Variants in HPSE2 observed in about 807,000 individuals in gnomAD.
The protein encoded by HPSE2 is heparanase 2 (inactive), also known as inactive heparanase-2.
In HPSE2, 38 loss-of-function variants were observed where a neutral mutation model predicts 60.5. The observed-to-expected ratio is 0.63, with a 90% CI of 0.48 to 0.82. HPSE2 has a LOEUF of 0.82. HPSE2 is among the 40% of genes least tolerant of loss of function. The pLI is 0.00. For missense variants in HPSE2, 713 were observed against 740.4 expected (o/e 0.96, Z 0.43); for synonymous variants, 295 against 293.2 (o/e 1.01, Z -0.06).
chr10:99,276,177 A>G, the HPSE2 span, among the ~76,000 whole-genome samples: 1 of 152,226 alleles, frequency 6.6e-6, no homozygotes, highest in African/African-American at 2.4e-5. Context: ...ATATAAATAC[A>G]ATATTCGTTG....
At chr10:99,189,982 AGGTGGATACCTCTGTT>A (rs1848163760) in intron 2 of HPSE2, among the ~76,000 whole-genome samples, 2 of 152,194 alleles carry the variant, frequency 1.3e-5, no homozygotes, top group Non-Finnish European at 2.9e-5. Context: ...GAACTAGCCT[AGGTGGATACCTCTGTT>A]AATGAATCTC....
chr10:98,838,630 C>G (rs1589920495), intron 3 of HPSE2, among the ~76,000 whole-genome samples: 1 of 151,576 alleles, frequency 6.6e-6, no homozygotes, highest in East Asian at 1.9e-4. Flanking sequence ...TGGGGTCTCA[C>G]TATGCTGCCC....
At chr10:98,969,922 G>C (rs922706353) in intron 3 of HPSE2, among the ~76,000 whole-genome samples, 1 of 151,916 alleles carries the variant, frequency 6.6e-6, no homozygotes, top group Non-Finnish European at 1.5e-5. Flanking sequence ...GGTGTTTCAC[G>C]TGGCAAAAGC....
the HPSE2 span, among the ~76,000 whole-genome samples, chr10:99,286,828 T>C: frequency 1.3e-5 from 2 of 152,202 alleles, no homozygotes; most frequent in African/African-American, 2.4e-5. Context: ...TGCTTGGAAC[T>C]GTGCAAACTG....
chr10:98,611,931 C>T (rs1463549093), intron 9 of HPSE2, among the ~76,000 whole-genome samples: 1 of 152,210 alleles, frequency 6.6e-6, no homozygotes, highest in Non-Finnish European at 1.5e-5. Context: ...ATGAGCTCTG[C>T]TCCACCATGT....
At chr10:98,887,008 T>C (rs1953184300) in intron 3 of HPSE2, among the ~76,000 whole-genome samples, 1 of 152,148 alleles carries the variant, frequency 6.6e-6, no homozygotes, top group African/African-American at 2.4e-5. Context: ...TTTTGGATCC[T>C]CTGTAAATTT....
chr10:98,669,826 C>T (rs192893497), intron 6 of HPSE2, among the ~76,000 whole-genome samples: 5 of 152,212 alleles, frequency 3.3e-5, no homozygotes. Context: ...CCAAACTTCA[C>T]CATCACATAA....
chr10:99,200,199 A>C (rs1050979333), intron 2 of HPSE2, among the ~76,000 whole-genome samples: 1 of 152,058 alleles, frequency 6.6e-6, no homozygotes, highest in Non-Finnish European at 1.5e-5. Flanking sequence ...TTTTACCACA[A>C]TTAAAAAAAT....
intron 3 of HPSE2, among the ~76,000 whole-genome samples, chr10:99,131,578 T>G (rs942270318): frequency 6.6e-5 from 10 of 151,806 alleles, no homozygotes; most frequent in African/African-American, 2.4e-4. Flanking sequence ...AGGAAAGAAA[T>G]AAGACCATTT....
chr10:98,615,047 A>G, intron 8 of HPSE2, 29 bp from the exon 9 acceptor site: 1 of 1,507,018 alleles, frequency 6.6e-7, no homozygotes, highest in Non-Finnish European at 9.2e-7. Context: ...GAGCTACATC[A>G]ATATATTTTT....
At chr10:99,011,754 CAAAAA>C (rs5787319) in intron 3 of HPSE2, among the ~76,000 whole-genome samples, 2 of 93,108 alleles carry the variant, frequency 2.1e-5, no homozygotes, top group African/African-American at 9.0e-5. Context: ...GACTCCATCT[CAAAAA>C]AAAAAAAAAA....
chr10:98,987,775 T>G (rs1956405506), intron 3 of HPSE2, among the ~76,000 whole-genome samples: 1 of 152,190 alleles, frequency 6.6e-6, no homozygotes, highest in Admixed American at 6.5e-5. Context: ...CTCCTTAAGC[T>G]GATAAGCCAC....
the HPSE2 span, among the ~76,000 whole-genome samples, chr10:99,289,806 A>T: frequency 6.6e-6 from 1 of 152,198 alleles, no homozygotes; most frequent in Admixed American, 6.5e-5. Context: ...AAATTAAATT[A>T]TGGTTTCAGT....
At chr10:98,836,181 A>T (rs1181965006) in intron 3 of HPSE2, among the ~76,000 whole-genome samples, 1 of 152,242 alleles carries the variant, frequency 6.6e-6, no homozygotes, top group African/African-American at 2.4e-5. Context: ...AGCTCTGCAG[A>T]ACATCTTTCT....
chr10:98,863,704 A>G (rs1952516324), intron 3 of HPSE2, among the ~76,000 whole-genome samples: 1 of 152,154 alleles, frequency 6.6e-6, no homozygotes. Flanking sequence ...TAAAACCCCT[A>G]ACTGTCATTT....
At chr10:98,727,742 A>T (rs1414517340) in intron 4 of HPSE2, among the ~76,000 whole-genome samples, 1 of 151,894 alleles carries the variant, frequency 6.6e-6, no homozygotes, top group Non-Finnish European at 1.5e-5. Flanking sequence ...TGATTCATCA[A>T]ATAGAAATAT....
chr10:98,600,832 A>T (rs1054417443), intron 9 of HPSE2, among the ~76,000 whole-genome samples: 3 of 147,182 alleles, frequency 2.0e-5, no homozygotes, highest in African/African-American at 7.4e-5. Context: ...AGATATACAC[A>T]AAGATATATA....
Position 99,010,132 on chromosome 10 carries a change from T to C in HPSE2, c.610+134106A>G, listed in dbSNP as rs539269725. Among the ~76,000 whole-genome samples, 14 of 152,330 alleles carry C rather than the reference T, an allele frequency of 9.2e-5. 1 individual carries two copies. In the South Asian group the frequency reaches 1.0e-3, roughly 11 times the overall value. ...AAACTCAGTGAGATTCTTTAAGGAA[T>C]GAGATGATTTACTGTGCTTAAAGAG... On this transcript the variant is annotated intron_variant, in intron 3 of 11. Transcript: ENST00000370552.
At chr10:98,949,667 A>G (rs1220366428) in intron 3 of HPSE2, among the ~76,000 whole-genome samples, 1 of 152,154 alleles carries the variant, frequency 6.6e-6, no homozygotes, top group Non-Finnish European at 1.5e-5. Context: ...AGTTGGACAG[A>G]CCTGGGTTTC....
Sources: allele counts gnomAD v4.1 joint callset (sites outside exome capture counted in the v4.1 genomes callset), GRCh38; gene constraint gnomAD v4.1.1; transcripts MANE v1.5; gene names NCBI Gene and HGNC (gene_info 2026-07-23, HGNC 2026-07-21).